Variants in SRGAP2 observed in about 807,000 individuals in gnomAD.
SRGAP2 encodes SLIT-ROBO Rho GTPase activating protein 2.
SRGAP2 carries 15 observed loss-of-function variants against 57.2 expected under a neutral mutation model. The observed-to-expected ratio is 0.26, with a 90% CI of 0.18 to 0.40. The LOEUF (loss-of-function observed/expected upper bound fraction) is 0.40. Ranked by LOEUF, SRGAP2 falls within the 10% of genes least tolerant of loss-of-function variation. The probability of loss-of-function intolerance (pLI) is 1.00; values close to 1 mark genes in which losing one functional copy is unlikely to be tolerated. For synonymous variants in SRGAP2, 249 were observed against 248.0 expected (o/e 1.00, Z -0.04); for missense variants, 520 against 669.6 (o/e 0.78, Z 2.47).
At chr1:206,430,341 A>G (rs1316409810) in intron 14 of SRGAP2, 119 bp downstream of exon 14, 2 of 705,072 alleles carry the variant, frequency 2.8e-6, no homozygotes, top group African/African-American at 3.5e-5. Context: ...GAAAAGGAAT[A>G]AATTCTTACT....
chr1:206,334,632 C>G lies in SRGAP2; in HGVS notation c.261-8214C>G, dbSNP rs1489644131. 3.3e-5 allele frequency among the ~76,000 whole-genome samples: 5 copies of G among 152,290 alleles called. 1 individual carries two copies. Among genetic ancestry groups the G allele is most frequent in the African/African-American group, 1.2e-4 (5 of 41,540 alleles). ...GAGGAGTTTCTGGCTGTAGATCAAA[C>G]TTCTCCGCTCATGCCTGGTGCCAGA... On this transcript the variant is annotated intron_variant, in intron 3 of 22. Transcript: ENST00000573034.
chr1:206,367,316 G>A (rs1481114323), intron 4 of SRGAP2, among the ~76,000 whole-genome samples: 1 of 152,120 alleles, frequency 6.6e-6, no homozygotes. Context: ...TAATTATTAG[G>A]TGCTTACTAT....
At chr1:206,228,686 C>G (rs1224976880) in intron 2 of SRGAP2, among the ~76,000 whole-genome samples, 5 of 151,558 alleles carry the variant, frequency 3.3e-5, no homozygotes, top group African/African-American at 9.7e-5. Flanking sequence ...AATTGGAGGT[C>G]CTTCTCATAG....
intron 7 of SRGAP2, among the ~76,000 whole-genome samples, chr1:206,394,789 G>C (rs1328279332): frequency 6.6e-6 from 1 of 151,754 alleles, no homozygotes; most frequent in South Asian, 2.1e-4. Flanking sequence ...TCCCCTTACA[G>C]TTGGGTCTTA....
chr1:206,460,986 G>T, intron 22 of SRGAP2, 51 bp from the exon 23 acceptor site: 1 of 661,616 alleles, frequency 1.5e-6, no homozygotes, highest in South Asian at 1.7e-5. Context: ...CCGGCTCCTT[G>T]GGGAATTCTC....
chr1:206,402,504 T>C (rs1658284598), intron 8 of SRGAP2, among the ~76,000 whole-genome samples: 1 of 152,210 alleles, frequency 6.6e-6, no homozygotes, highest in African/African-American at 2.4e-5. Flanking sequence ...ACTGGTGAAA[T>C]TAGAAGGAGG....
At chr1:206,449,887 A>G (rs1220818078) in intron 18 of SRGAP2, among the ~76,000 whole-genome samples, 3 of 152,226 alleles carry the variant, frequency 2.0e-5, no homozygotes, top group Non-Finnish European at 4.4e-5. Context: ...AGCTGAGGAT[A>G]TAGATCTTTA....
At chr1:206,291,547 T>G (rs1177202271) in intron 2 of SRGAP2, among the ~76,000 whole-genome samples, 4 of 151,788 alleles carry the variant, frequency 2.6e-5, no homozygotes, top group African/African-American at 4.9e-5. Flanking sequence ...AATCCAAGTT[T>G]TTCTGAATGC....
chr1:206,454,328 C>A lies in SRGAP2; in HGVS notation c.2361-550C>A. 1.6e-6 allele frequency: 1 copy of A among 632,602 alleles called. No individual in the cohort carries two copies. Among genetic ancestry groups the A allele is most frequent in the South Asian group, 1.8e-5 (1 of 54,492 alleles). The allele number at this position is 632,602 out of a possible 1,614,324, so 39.2% of individuals were successfully genotyped here. On this transcript the variant is annotated intron_variant, in intron 20 of 22. Coordinates refer to ENST00000573034, the MANE Select transcript of SRGAP2 (RefSeq NM_015326.5). The surrounding 1 kb of genome is among the most constrained non-coding windows in gnomAD (Gnocchi z 4.3). ...AAGATGAATTGTGGGGGAGAAGGGGCTTTCTTTGTCATCAGTAGCCAGAGG... is the reference window on the plus strand; with the variant it reads ...AAGATGAATTGTGGGGGAGAAGGGGATTTCTTTGTCATCAGTAGCCAGAGG...
chr1:206,415,576 G>A lies in SRGAP2; in HGVS notation c.1357-313G>A, dbSNP rs576579708. Among the ~76,000 whole-genome samples, 9 of 152,288 alleles carry A rather than the reference G, an allele frequency of 5.9e-5. No individual in the cohort carries two copies. The East Asian group carries it at 1.7e-3, about 29-fold the overall frequency. ...GTGTGTCCTCACACCAAGAAGACCA[G>A]GGCTCAATAAGTTCATCTACCCTCC... On this transcript the variant is annotated intron_variant, in intron 10 of 22. Coordinates refer to ENST00000573034, the MANE Select transcript of SRGAP2 (RefSeq NM_015326.5).
intron 4 of SRGAP2, among the ~76,000 whole-genome samples, chr1:206,357,321 A>G (rs1553339526): frequency 1.3e-5 from 2 of 150,370 alleles, no homozygotes; most frequent in East Asian, 1.9e-4. Flanking sequence ...CATAATAAAA[A>G]GAAAATAATA....
chr1:206,208,947 T>C (rs1249898879), intron 2 of SRGAP2, among the ~76,000 whole-genome samples: 30 of 151,454 alleles, frequency 2.0e-4, no homozygotes, highest in Non-Finnish European at 3.5e-4. Flanking sequence ...ATTTGGAAAA[T>C]AGGTAAAATA....
At chr1:206,270,759 G>A (rs1213390126) in intron 2 of SRGAP2, among the ~76,000 whole-genome samples, 1 of 42,158 alleles carries the variant, frequency 2.4e-5, no homozygotes, top group Non-Finnish European at 4.2e-5. Context: ...AAAGGGAAGG[G>A]GCATATACAC....
intron 10 of SRGAP2, among the ~76,000 whole-genome samples, chr1:206,409,886 G>A (rs1659049815): frequency 2.0e-5 from 3 of 151,022 alleles, no homozygotes; most frequent in African/African-American, 7.3e-5. Context: ...ATCACCTGAG[G>A]TCGGGAGTTT....
chr1:206,437,675 A>G, intron 15 of SRGAP2: 1 of 330,178 alleles, frequency 3.0e-6, no homozygotes, highest in African/African-American at 2.1e-5. Flanking sequence ...TGTGAGATAC[A>G]GTTGCTGTGT....
chr1:206,325,405 G>A (rs1404598986), intron 3 of SRGAP2, among the ~76,000 whole-genome samples: 1 of 151,112 alleles, frequency 6.6e-6, no homozygotes, highest in Non-Finnish European at 1.5e-5. Flanking sequence ...GTGTAATGGC[G>A]CCATCTTGGC....
chr1:206,303,648 T>C (rs1558288480), intron 3 of SRGAP2, among the ~76,000 whole-genome samples, 175 bp downstream of exon 3: 1 of 152,178 alleles, frequency 6.6e-6, no homozygotes, highest in East Asian at 1.9e-4. Context: ...AATTCAACAT[T>C]TCGTAGAGAT....
At chr1:206,398,793 T>G (rs1467895567) in intron 7 of SRGAP2, among the ~76,000 whole-genome samples, 2 of 152,204 alleles carry the variant, frequency 1.3e-5, no homozygotes. Context: ...TGTTTCTAAG[T>G]AGAGGCCAGG....
chr1:206,309,167 T>A (rs2031952), intron 3 of SRGAP2, among the ~76,000 whole-genome samples: 17,974 of 130,740 alleles, frequency 0.14, 2,468 homozygotes, highest in African/African-American at 0.37. Flanking sequence ...CCCTGTGTCT[T>A]AAAAAAAAAA....
Sources: allele counts gnomAD v4.1 joint callset (sites outside exome capture counted in the v4.1 genomes callset), GRCh38; gene constraint gnomAD v4.1.1; non-coding constraint Gnocchi (gnomAD v3.1); transcripts MANE v1.5; gene names NCBI Gene and HGNC (gene_info 2026-07-23, HGNC 2026-07-21).